Variants in TLL1 observed in about 807,000 individuals in gnomAD.
TLL1 encodes tolloid-like protein 1.
TLL1 carries 49 observed loss-of-function variants against 128.2 expected under a neutral mutation model. The observed-to-expected ratio is 0.38, with a 90% CI of 0.30 to 0.48. TLL1 has a LOEUF of 0.48. Among genes scored for constraint, TLL1 ranks in the 20% least tolerant of loss-of-function variants. The probability of loss-of-function intolerance (pLI) is 0.96; values close to 1 mark genes in which losing one functional copy is unlikely to be tolerated. For synonymous variants in TLL1, 454 were observed against 418.8 expected, an observed-to-expected ratio of 1.08 and a Z score of -1.03; for missense variants, 1,123 against 1,242.0, an observed-to-expected ratio of 0.90 and a Z score of 1.44.
intron 1 of TLL1, among the ~76,000 whole-genome samples, chr4:165,970,823 T>G (rs577669976): frequency 1.4e-4 from 22 of 152,322 alleles, no homozygotes; most frequent in African/African-American, 5.1e-4. Flanking sequence ...TCAAAGAGCT[T>G]TCATGGGCTT....
intron 1 of TLL1, among the ~76,000 whole-genome samples, chr4:165,897,936 G>A (rs1731761374): frequency 1.3e-5 from 2 of 151,932 alleles, no homozygotes. Context: ...CCTTGAAGAG[G>A]TGCTTCACAT....
chr4:165,928,947 C>T (rs962577533), intron 1 of TLL1, among the ~76,000 whole-genome samples: 1 of 152,104 alleles, frequency 6.6e-6, no homozygotes, highest in African/African-American at 2.4e-5. Flanking sequence ...ATTTTAATAG[C>T]CCCCTTGGGG....
intron 5 of TLL1, among the ~76,000 whole-genome samples, chr4:166,003,092 C>G (rs113449274): frequency 0.014 from 2,062 of 152,208 alleles, 41 homozygotes; most frequent in African/African-American, 0.047. Flanking sequence ...TAAGTGTCAT[C>G]ACCATGATAA....
At chr4:166,043,229 G>A (rs1217303511) in intron 11 of TLL1, 45 bp from the exon 12 acceptor site, 2 of 1,612,920 alleles carry the variant, frequency 1.2e-6, no homozygotes, top group Non-Finnish European at 1.7e-6. Context: ...AAATGAAATA[G>A]CATGTCCAGG....
At chr4:165,982,085 A>G (rs1736173584) in intron 1 of TLL1, among the ~76,000 whole-genome samples, 1 of 152,004 alleles carries the variant, frequency 6.6e-6, no homozygotes, top group South Asian at 2.1e-4. Context: ...GTAGACGCCA[A>G]ATAATGTGAT....
rs370347562 is a variant in TLL1, at chr4:165,985,948, C to T, written c.170-3433C>T. Among the ~76,000 whole-genome samples, 26 of 151,906 alleles carry T rather than the reference C, an allele frequency of 1.7e-4. No homozygotes were observed. In the South Asian group the frequency reaches 5.2e-3, roughly 30 times the overall value. On this transcript the variant is annotated intron_variant, in intron 1 of 20. Coordinates refer to ENST00000061240, the MANE Select transcript of TLL1 (RefSeq NM_012464.5). ...GACCATAAGAATCCAAGCAGAATTC[C>T]AAACAGATAGTAAATATTCTAATTG...
At chr4:166,049,210 C>T (rs1481432254) in intron 12 of TLL1, among the ~76,000 whole-genome samples, 2 of 152,296 alleles carry the variant, frequency 1.3e-5, no homozygotes, top group Middle Eastern at 3.4e-3. Context: ...TTGTTAGTTT[C>T]AATCAACTTG....
chr4:166,012,067 TG>T (rs1737719299), intron 7 of TLL1, among the ~76,000 whole-genome samples: 1 of 151,578 alleles, frequency 6.6e-6, no homozygotes, highest in African/African-American at 2.4e-5. Context: ...TTTATATGAG[TG>T]ACTATTTTGT....
Position 165,873,702 on chromosome 4 carries a change from C to A in TLL1, c.-203C>A. On this transcript the variant is annotated 5_prime_UTR_variant, in exon 1 of 21. Transcript: ENST00000061240. ...TGGGCCCCTAGCCAACTTCTCCCTG[C>A]GACTGGGGGTAACAGGCAGTGCTTG... is the stretch of plus-strand genomic sequence containing the variant. 1 of 569,838 alleles carries A rather than the reference C, an allele frequency of 1.8e-6. No individual in the cohort carries two copies. The highest frequency in any genetic ancestry group is 2.3e-5 in the South Asian group (1 of 44,398). 35.3% of individuals were successfully genotyped at this position (569,838 alleles called of 1,614,324 possible).
At chr4:166,027,151 T>A (rs1738537399) in intron 9 of TLL1, among the ~76,000 whole-genome samples, 1 of 152,044 alleles carries the variant, frequency 6.6e-6, no homozygotes, top group Non-Finnish European at 1.5e-5. Flanking sequence ...GAAATTTAAA[T>A]ACCACAAGTT....
intron 1 of TLL1, among the ~76,000 whole-genome samples, chr4:165,938,379 C>G (rs1285108193): frequency 6.6e-6 from 1 of 152,012 alleles, no homozygotes; most frequent in Non-Finnish European, 1.5e-5. Context: ...TAGTGCAGGT[C>G]TTCATTCTTT....
chr4:165,881,257 T>C (rs1370503780), intron 1 of TLL1, among the ~76,000 whole-genome samples: 1 of 152,222 alleles, frequency 6.6e-6, no homozygotes, highest in African/African-American at 2.4e-5. Context: ...CTCGCATATC[T>C]AGGAAGTCTC....
chr4:165,874,831 T>G (rs1169144211), intron 1 of TLL1: 2 of 152,342 alleles, frequency 1.3e-5, no homozygotes, highest in African/African-American at 4.8e-5. Flanking sequence ...CCCTCCCTTC[T>G]ACGCCTCTGG....
chr4:166,007,275 A>T (rs1231902552), intron 6 of TLL1, among the ~76,000 whole-genome samples: 1 of 151,788 alleles, frequency 6.6e-6, no homozygotes. Context: ...AAAAATGAAG[A>T]TGTCCAGAAG....
chr4:166,098,842 ATCT>A (rs1742148830), intron 19 of TLL1, among the ~76,000 whole-genome samples: 2 of 152,118 alleles, frequency 1.3e-5, no homozygotes, highest in Non-Finnish European at 2.9e-5. Context: ...ATACTCTGGC[ATCT>A]TCTTTATGAA....
chr4:166,060,796 GCA>G (rs748667660), intron 15 of TLL1, among the ~76,000 whole-genome samples: 1 of 151,990 alleles, frequency 6.6e-6, no homozygotes, highest in Non-Finnish European at 1.5e-5. Flanking sequence ...TTGTGCTAGT[GCA>G]CACACACACA....
intron 1 of TLL1, among the ~76,000 whole-genome samples, chr4:165,891,295 T>C (rs965446817): frequency 1.0e-4 from 15 of 143,180 alleles, no homozygotes; most frequent in Non-Finnish European, 2.1e-4. Context: ...TTGTTACTTA[T>C]GCAAATTTCT....
chr4:165,894,842 A>AGTGT (rs34248657), intron 1 of TLL1, among the ~76,000 whole-genome samples: 3,419 of 142,082 alleles, frequency 0.024, 87 homozygotes, highest in African/African-American at 0.062. Context: ...TCAAATGATG[A>AGTGT]GTGTGTGTGT....
chr4:166,083,853 G>A (rs916668557), intron 18 of TLL1, among the ~76,000 whole-genome samples: 5 of 152,110 alleles, frequency 3.3e-5, no homozygotes, highest in Non-Finnish European at 4.4e-5. Flanking sequence ...GAACATGGGA[G>A]CAACAGACAT....
Sources: gnomAD v4.1 joint callset for allele counts (sites outside exome capture counted in the v4.1 genomes callset) on GRCh38, gnomAD v4.1.1 for gene constraint, MANE v1.5 for transcripts, NCBI Gene and HGNC (gene_info 2026-07-23, HGNC 2026-07-21) for gene names.